The following HNF4G variants were observed in gnomAD, a reference collection of about 807,000 sequenced individuals.
HNF4G encodes hepatocyte nuclear factor 4-gamma.
A neutral mutation model predicts 50.9 loss-of-function variants in HNF4G; 21 were observed. That is an observed-to-expected ratio of 0.41 (90% CI 0.29 to 0.59). The LOEUF (loss-of-function observed/expected upper bound fraction) is 0.59, where lower values mean the gene tolerates loss of function less well. Among genes scored for constraint, HNF4G ranks in the 20% least tolerant of loss-of-function variants. HNF4G has a pLI of 0.26. For missense variants in HNF4G, 527 were observed against 559.4 expected (o/e 0.94, Z 0.58); for synonymous variants, 198 against 185.6 (o/e 1.07, Z -0.54).
At chr8:75,500,717 G>A (rs1812904308) in intron 2 of HNF4G, among the ~76,000 whole-genome samples, 1 of 152,040 alleles carries the variant, frequency 6.6e-6, no homozygotes, top group Non-Finnish European at 1.5e-5. Context: ...ATTACAACAT[G>A]GATTAGCCTT....
intron 1 of HNF4G, among the ~76,000 whole-genome samples, chr8:75,444,706 A>T (rs1337941929): frequency 9.4e-6 from 1 of 106,530 alleles, no homozygotes; most frequent in Non-Finnish European, 1.9e-5. Context: ...TGATAAAGGG[A>T]TCAATTCAAC....
chr8:75,486,967 T>C (rs1585886701), intron 1 of HNF4G, among the ~76,000 whole-genome samples: 1 of 152,248 alleles, frequency 6.6e-6, no homozygotes, highest in East Asian at 1.9e-4. Flanking sequence ...ATCACACCAC[T>C]TGCACTCCAG....
chr8:75,536,716 G>A (rs991013704), upstream of HNF4G, among the ~76,000 whole-genome samples: 5 of 151,840 alleles, frequency 3.3e-5, no homozygotes, highest in African/African-American at 4.8e-5. Flanking sequence ...CCACAATCAC[G>A]AATGAATGGG....
chr8:75,498,608 T>G, intron 2 of HNF4G, among the ~76,000 whole-genome samples: 1 of 151,876 alleles, frequency 6.6e-6, no homozygotes, highest in African/African-American at 2.4e-5. Context: ...GAAAAAAAAT[T>G]GACAGACCAG....
chr8:75,467,389 C>T (rs1195972459), intron 1 of HNF4G, among the ~76,000 whole-genome samples: 4 of 152,276 alleles, frequency 2.6e-5, no homozygotes, highest in South Asian at 2.1e-4. Flanking sequence ...GGGCTGAGTG[C>T]GGTGGCTCAT....
chr8:75,414,486 T>C (rs1254508486), intron 1 of HNF4G, among the ~76,000 whole-genome samples: 3 of 152,168 alleles, frequency 2.0e-5, no homozygotes, highest in Admixed American at 6.5e-5. Context: ...ATAGTGAATA[T>C]AGCCAACACC....
chr8:75,408,460 C>T (rs1418160809), intron 1 of HNF4G, among the ~76,000 whole-genome samples: 2 of 152,100 alleles, frequency 1.3e-5, no homozygotes, highest in Admixed American at 1.3e-4. Context: ...TCACCCCATG[C>T]ATGGCCTTTG....
chr8:75,496,811 TA>T (rs1812781324), intron 2 of HNF4G, among the ~76,000 whole-genome samples: 1 of 151,716 alleles, frequency 6.6e-6, no homozygotes, highest in African/African-American at 2.4e-5. Context: ...TTACTATATA[TA>T]TATATATATG....
Position 75,547,653 on chromosome 8 carries a change from G to A in HNF4G, c.354G>A (p.Lys118=). The change falls in exon 3 of 10, where the codon AAG becomes AAA. Residue 118 remains lysine, a synonymous_variant. Coordinates refer to ENST00000396423, the MANE Select transcript of HNF4G (RefSeq NM_004133.5). The part of the protein sequence containing the change: ...RNQCRYCRLR[K]CFRAGMKKEA... ...AATGTAGATATTGTCGATTAAGAAA[G>A]TGTTTTAGAGCGGGAATGAAAAAAG... 6.2e-7 allele frequency: 1 copy of A among 1,607,566 alleles called. No individual in the cohort carries two copies. The highest frequency in any genetic ancestry group is 8.5e-7 in the Non-Finnish European group (1 of 1,174,204).
chr8:75,434,298 G>A (rs1274305796), intron 1 of HNF4G, among the ~76,000 whole-genome samples: 1 of 151,900 alleles, frequency 6.6e-6, no homozygotes, highest in Non-Finnish European at 1.5e-5. Context: ...CACTGCGTCT[G>A]GCCTAAATAA....
At chr8:75,424,364 A>C (rs899598687) in intron 1 of HNF4G, among the ~76,000 whole-genome samples, 6 of 152,064 alleles carry the variant, frequency 3.9e-5, no homozygotes, top group Admixed American at 3.3e-4. Flanking sequence ...CAGCATCTTA[A>C]ATTTTTTACC....
intron 2 of HNF4G, among the ~76,000 whole-genome samples, chr8:75,497,467 C>G (rs561607438): frequency 3.3e-5 from 5 of 152,096 alleles, no homozygotes; most frequent in Non-Finnish European, 7.4e-5. Context: ...GGGCAGATCA[C>G]GAGGTCAGGA....
chr8:75,538,898 G>A (rs1806538096), upstream of HNF4G, among the ~76,000 whole-genome samples: 1 of 152,146 alleles, frequency 6.6e-6, no homozygotes, highest in African/African-American at 2.4e-5. Context: ...GGTTTGTGGT[G>A]TTAAGAAATA....
upstream of HNF4G, among the ~76,000 whole-genome samples, chr8:75,536,677 A>G (rs548447864): frequency 1.1e-4 from 16 of 152,244 alleles, no homozygotes; most frequent in African/African-American, 3.6e-4. Flanking sequence ...TAATTGTGCC[A>G]TAGACATGTT....
At chr8:75,468,237 C>A (rs1563518362) in intron 1 of HNF4G, among the ~76,000 whole-genome samples, 1 of 152,044 alleles carries the variant, frequency 6.6e-6, no homozygotes, top group Non-Finnish European at 1.5e-5. Flanking sequence ...TCCTTCCTAC[C>A]ATTCATTTAT....
intron 1 of HNF4G, among the ~76,000 whole-genome samples, chr8:75,473,239 G>A (rs191177053): frequency 1.3e-3 from 203 of 151,906 alleles, no homozygotes; most frequent in Middle Eastern, 3.4e-3. Flanking sequence ...AACCCAGGAG[G>A]TGAGCCGAGA....
Position 75,432,499 on chromosome 8 carries a change from G to A in HNF4G, c.-144+24337G>A, listed in dbSNP as rs188026165. Among the ~76,000 whole-genome samples, 16 of 151,986 alleles carry A rather than the reference G, an allele frequency of 1.1e-4. No homozygotes were observed. In the East Asian group the frequency reaches 2.7e-3, roughly 26 times the overall value. On this transcript the variant is annotated intron_variant, in intron 1 of 10. Transcript: ENST00000354370. ...TATTTTTAGTAGAGATGGGGTTTCA[G>A]CATGTTGGCCAGGCTGGTCTCAAAC...
At chr8:75,439,760 C>T (rs929995699) in intron 1 of HNF4G, among the ~76,000 whole-genome samples, 2 of 152,034 alleles carry the variant, frequency 1.3e-5, no homozygotes, top group African/African-American at 2.4e-5. Context: ...CATTATATCT[C>T]CACATTAGTT....
intron 2 of HNF4G, among the ~76,000 whole-genome samples, chr8:75,525,688 T>C (rs757949683): frequency 8.5e-5 from 13 of 152,126 alleles, no homozygotes; most frequent in Non-Finnish European, 1.5e-4. Context: ...TTACCGTATG[T>C]GACACAAAAC....
Sources: gnomAD v4.1 joint callset for allele counts (sites outside exome capture counted in the v4.1 genomes callset) on GRCh38, gnomAD v4.1.1 for gene constraint, MANE v1.5 for transcripts, NCBI Gene and HGNC (gene_info 2026-07-23, HGNC 2026-07-21) for gene names.